SOX5: variants seen among roughly 807,000 people sequenced by gnomAD.
SOX5 encodes the protein SRY-box transcription factor 5, also known as transcription factor SOX-5.
SOX5 carries 9 observed loss-of-function variants against 92.0 expected under a neutral mutation model. The ratio of observed to expected loss-of-function variants is 0.10; its 90% CI spans 0.06 to 0.17. The LOEUF (loss-of-function observed/expected upper bound fraction) is 0.17, where lower values mean the gene tolerates loss of function less well. Among genes scored for constraint, SOX5 ranks in the 10% least tolerant of loss-of-function variants. The pLI is 1.00. For synonymous variants in SOX5, 344 were observed against 336.3 expected, an observed-to-expected ratio of 1.02 and a Z score of -0.25; for missense variants, 642 against 944.5, an observed-to-expected ratio of 0.68 and a Z score of 4.20.
intron 1 of SOX5, among the ~76,000 whole-genome samples, chr12:24,369,007 A>T (rs958890523): frequency 2.6e-5 from 4 of 152,210 alleles, no homozygotes; most frequent in African/African-American, 9.7e-5. Flanking sequence ...TAAATTACTT[A>T]ATCTTGCTAA....
intron 1 of SOX5, among the ~76,000 whole-genome samples, chr12:23,932,123 C>T (rs957997505): frequency 3.3e-5 from 5 of 151,342 alleles, no homozygotes; most frequent in African/African-American, 1.2e-4. Flanking sequence ...TTACTTCTGA[C>T]AGATCTAATT....
Position 24,288,516 on chromosome 12 carries a change from A to C in SOX5, c.-173-11204T>G, listed in dbSNP as rs563336048. Among the ~76,000 whole-genome samples, 12 of 152,212 alleles carry C rather than the reference A, an allele frequency of 7.9e-5. No homozygotes were observed. In the East Asian group the frequency reaches 2.3e-3, roughly 29 times the overall value. On this transcript the variant is annotated intron_variant, in intron 2 of 4. Transcript: ENST00000446891. ...TGACAATGCATTGAACAGTGGTTCA[A>C]GTGACAGAGGTCACCGTTACTGAGA...
At chr12:24,494,119 A>T (rs995468099) in intron 1 of SOX5, among the ~76,000 whole-genome samples, 2 of 152,182 alleles carry the variant, frequency 1.3e-5, no homozygotes, top group African/African-American at 4.8e-5. Context: ...AAGGATAGAA[A>T]ATGTCTGGGT....
chr12:23,980,142 G>A (rs2136153578), intron 4 of SOX5, among the ~76,000 whole-genome samples: 1 of 152,098 alleles, frequency 6.6e-6, no homozygotes, highest in South Asian at 2.1e-4. Flanking sequence ...TTTAGCACTT[G>A]CATTTCATAT....
At chr12:24,113,191 C>T (rs1055523455) in intron 4 of SOX5, among the ~76,000 whole-genome samples, 2 of 147,770 alleles carry the variant, frequency 1.4e-5, no homozygotes, top group South Asian at 2.1e-4. Flanking sequence ...TATGTAAATG[C>T]TCAGCATGTC....
At chr12:24,017,944 A>C (rs1311745152) in intron 4 of SOX5, among the ~76,000 whole-genome samples, 1 of 152,080 alleles carries the variant, frequency 6.6e-6, no homozygotes, top group African/African-American at 2.4e-5. Context: ...TTTGAGGTTA[A>C]CCCCCACTAA....
At chr12:23,751,651 A>G (rs769321659) in intron 4 of SOX5, among the ~76,000 whole-genome samples, 3 of 151,880 alleles carry the variant, frequency 2.0e-5, no homozygotes, top group Non-Finnish European at 2.9e-5. Flanking sequence ...TACATTGCCC[A>G]TGTCTTTAAT....
intron 1 of SOX5, among the ~76,000 whole-genome samples, chr12:24,417,783 TGG>T (rs1965268244): frequency 1.3e-5 from 2 of 152,012 alleles, no homozygotes; most frequent in Admixed American, 6.6e-5. Context: ...AAAAACATGG[TGG>T]TGGTGGTGCT....
At chr12:24,133,254 C>T (rs980770612) in intron 4 of SOX5, among the ~76,000 whole-genome samples, 5 of 152,140 alleles carry the variant, frequency 3.3e-5, no homozygotes, top group African/African-American at 4.8e-5. Flanking sequence ...AAGAGTCATG[C>T]GAACAGCTTT....
chr12:24,214,462 T>C (rs895084764), intron 3 of SOX5, among the ~76,000 whole-genome samples: 1 of 152,098 alleles, frequency 6.6e-6, no homozygotes, highest in African/African-American at 2.4e-5. Context: ...TATTTATTTG[T>C]GATTGTGGAA....
chr12:24,192,696 C>T (rs1422269476), intron 4 of SOX5, among the ~76,000 whole-genome samples: 2 of 152,146 alleles, frequency 1.3e-5, no homozygotes, highest in African/African-American at 4.8e-5. Flanking sequence ...TGGAAACAAA[C>T]CACGACATTC....
At chr12:23,838,112 TTATATTTATACAACA>T (rs1761877361) in intron 3 of SOX5, among the ~76,000 whole-genome samples, 1 of 140,096 alleles carries the variant, frequency 7.1e-6, no homozygotes, top group Non-Finnish European at 1.5e-5. Flanking sequence ...TACTATATAT[TTATATTTATACAACA>T]TATATTTATA....
chr12:23,849,292 A>C (rs2096605920), intron 2 of SOX5, among the ~76,000 whole-genome samples: 1 of 152,228 alleles, frequency 6.6e-6, no homozygotes, highest in African/African-American at 2.4e-5. Flanking sequence ...CATTACATTA[A>C]TATTCAATCT....
At chr12:24,097,307 C>T (rs1945540343) in intron 4 of SOX5, among the ~76,000 whole-genome samples, 1 of 152,002 alleles carries the variant, frequency 6.6e-6, no homozygotes, top group Admixed American at 6.6e-5. Flanking sequence ...ATACTTTCTC[C>T]CACTCTGTGG....
At chr12:24,290,127 T>C in intron 2 of SOX5, among the ~76,000 whole-genome samples, 1 of 152,176 alleles carries the variant, frequency 6.6e-6, no homozygotes, top group East Asian at 1.9e-4. Context: ...AGCTTAAAAA[T>C]AGGGTAAAAA....
chr12:24,419,297 C>A (rs1965543236), intron 1 of SOX5, among the ~76,000 whole-genome samples: 1 of 152,082 alleles, frequency 6.6e-6, no homozygotes, highest in African/African-American at 2.4e-5. Context: ...ACCACCATGC[C>A]AGGCTAATTT....
intron 2 of SOX5, among the ~76,000 whole-genome samples, chr12:24,315,349 A>T (rs1949599469): frequency 6.6e-6 from 1 of 152,072 alleles, no homozygotes; most frequent in South Asian, 2.1e-4. Flanking sequence ...TACAATTAAC[A>T]TATCTTACTT....
intron 1 of SOX5, among the ~76,000 whole-genome samples, chr12:24,483,570 C>G (rs1051546256): frequency 6.6e-6 from 1 of 152,174 alleles, no homozygotes; most frequent in Admixed American, 6.5e-5. Flanking sequence ...TTGTATTTAA[C>G]GTTGCATGAA....
At chr12:23,948,246 A>C (rs1224644999) in intron 1 of SOX5, among the ~76,000 whole-genome samples, 10 of 151,740 alleles carry the variant, frequency 6.6e-5, no homozygotes, top group Admixed American at 6.6e-4. Flanking sequence ...AGAAGAAATC[A>C]AAGAAAGATG....
Sources: gnomAD v4.1 joint callset for allele counts (sites outside exome capture counted in the v4.1 genomes callset) on GRCh38, gnomAD v4.1.1 for gene constraint, MANE v1.5 for transcripts, NCBI Gene and HGNC (gene_info 2026-07-23, HGNC 2026-07-21) for gene names.